RIMS1: variants seen among roughly 807,000 people sequenced by gnomAD.
RIMS1 encodes regulating synaptic membrane exocytosis 1, also known as regulating synaptic membrane exocytosis protein 1.
Under a neutral mutation model 214.1 loss-of-function variants are expected in RIMS1, and 83 were observed. The observed-to-expected ratio is 0.39, with a 90% CI of 0.32 to 0.47. RIMS1 has a LOEUF of 0.47. RIMS1 is among the 20% of genes least tolerant of loss of function. The probability of loss-of-function intolerance (pLI) is 0.99; values close to 1 mark genes in which losing one functional copy is unlikely to be tolerated. For missense variants in RIMS1, 2,050 were observed against 2,161.8 expected (o/e 0.95, Z 1.03); for synonymous variants, 793 against 786.8 (o/e 1.01, Z -0.13).
intron 1 of RIMS1, among the ~76,000 whole-genome samples, chr6:71,888,073 CT>C (rs2150309106): frequency 6.6e-6 from 1 of 152,290 alleles, no homozygotes; most frequent in African/African-American, 2.4e-5. Context: ...CCCCATTTTC[CT>C]GGTGATGGGG....
intron 2 of RIMS1, among the ~76,000 whole-genome samples, chr6:72,074,759 G>A (rs1323717331): frequency 6.6e-6 from 1 of 152,170 alleles, no homozygotes; most frequent in Non-Finnish European, 1.5e-5. Context: ...ATTAAAGTAT[G>A]TGTATTGTTT....
chr6:72,291,281 A>C (rs549289983), intron 25 of RIMS1, among the ~76,000 whole-genome samples: 2 of 152,188 alleles, frequency 1.3e-5, no homozygotes, highest in Non-Finnish European at 2.9e-5. Context: ...TCAGTTTGAA[A>C]AGTGTTTAAA....
At chr6:72,117,059 G>C (rs925742439) in intron 4 of RIMS1, among the ~76,000 whole-genome samples, 1 of 151,924 alleles carries the variant, frequency 6.6e-6, no homozygotes, top group East Asian at 1.9e-4. Flanking sequence ...GCTTGTCTTG[G>C]AGAATTCCGT....
rs1415417646 is a variant in RIMS1 at position 72,251,051 on chromosome 6, C to A, written c.2503C>A (p.Gln835Lys). The change falls in exon 14 of 34, where the codon CAA (glutamine) becomes AAA (lysine). Residue 835 changes from glutamine to lysine, a missense_variant. Gln to Lys is a moderately conservative substitution (Grantham distance 53). Coordinates refer to ENST00000521978, the MANE Select transcript of RIMS1 (RefSeq NM_014989.7). ...ERMLEITVWD[Q>K]PRVQEEESEF... ...AATGTTAGAAATAACTGTGTGGGAC[C>A]AACCAAGAGTGCAAGAAGAAGAAAG... 1.3e-6 allele frequency: 2 copies of A among 1,585,562 alleles called. No homozygotes were observed. The highest frequency in any genetic ancestry group is 1.7e-6 in the Non-Finnish European group (2 of 1,164,858).
intron 1 of RIMS1, among the ~76,000 whole-genome samples, chr6:71,917,386 T>G (rs1778732727): frequency 6.6e-6 from 1 of 152,002 alleles, no homozygotes; most frequent in Non-Finnish European, 1.5e-5. Flanking sequence ...AACAGAGAAA[T>G]GAACAGTGCT....
intron 2 of RIMS1, among the ~76,000 whole-genome samples, chr6:72,055,105 G>T (rs1291048200): frequency 3.3e-5 from 5 of 152,078 alleles, no homozygotes; most frequent in Non-Finnish European, 7.4e-5. Flanking sequence ...TTTGTATAAG[G>T]TGTAATGTCC....
intron 4 of RIMS1, among the ~76,000 whole-genome samples, chr6:72,101,472 C>A (rs999818023): frequency 6.6e-6 from 1 of 151,924 alleles, no homozygotes; most frequent in Admixed American, 6.6e-5. Flanking sequence ...TTGTCTTAGC[C>A]ATGTTAAAGA....
At chr6:72,019,842 T>A (rs1308419086) in intron 2 of RIMS1, among the ~76,000 whole-genome samples, 1 of 152,202 alleles carries the variant, frequency 6.6e-6, no homozygotes, top group African/African-American at 2.4e-5. Flanking sequence ...TTTCCCCACA[T>A]AGGCATGTGA....
At chr6:72,387,675 G>C (rs1433942922) in intron 29 of RIMS1, among the ~76,000 whole-genome samples, 1 of 152,242 alleles carries the variant, frequency 6.6e-6, no homozygotes, top group African/African-American at 2.4e-5. Flanking sequence ...GATAGGAAGA[G>C]AATTCTTGAG....
intron 29 of RIMS1, among the ~76,000 whole-genome samples, chr6:72,339,431 C>G (rs2096964588): frequency 6.6e-6 from 1 of 151,930 alleles, no homozygotes; most frequent in Admixed American, 6.6e-5. Context: ...TATCCCTCCC[C>G]TATCCCCCCA....
chr6:72,135,161 A>G (rs1034905573), intron 4 of RIMS1, among the ~76,000 whole-genome samples: 2 of 152,180 alleles, frequency 1.3e-5, no homozygotes, highest in African/African-American at 4.8e-5. Flanking sequence ...TTAGCAGACC[A>G]TAACTTTTTA....
At chr6:72,334,137 A>G (rs981320068) in intron 29 of RIMS1, among the ~76,000 whole-genome samples, 6 of 151,920 alleles carry the variant, frequency 3.9e-5, no homozygotes, top group African/African-American at 1.4e-4. Flanking sequence ...ATTTATTTAC[A>G]TGCAACGAAA....
chr6:72,055,578 T>G (rs1825931616), intron 2 of RIMS1, among the ~76,000 whole-genome samples: 1 of 152,224 alleles, frequency 6.6e-6, no homozygotes, highest in African/African-American at 2.4e-5. Flanking sequence ...CATCCTTGTC[T>G]TGTTCTGGTG....
At chr6:72,310,528 C>G (rs1231532048) in intron 27 of RIMS1, among the ~76,000 whole-genome samples, 1 of 151,604 alleles carries the variant, frequency 6.6e-6, no homozygotes, top group Admixed American at 6.6e-5. Flanking sequence ...TTTATGTAAC[C>G]CAGGAACAGC....
chr6:72,169,552 GA>G (rs78098528), intron 4 of RIMS1, among the ~76,000 whole-genome samples: 1 of 76,824 alleles, frequency 1.3e-5, no homozygotes, highest in Non-Finnish European at 2.5e-5. Flanking sequence ...AAAAATGAGG[GA>G]TGGTTAGGAA....
intron 4 of RIMS1, among the ~76,000 whole-genome samples, chr6:72,136,454 A>G (rs1031267436): frequency 1.3e-5 from 2 of 152,180 alleles, no homozygotes; most frequent in Non-Finnish European, 2.9e-5. Context: ...AAGGAGAAAC[A>G]TTGCATTCTG....
At chr6:72,047,058 A>G (rs1823257537) in intron 2 of RIMS1, among the ~76,000 whole-genome samples, 1 of 152,154 alleles carries the variant, frequency 6.6e-6, no homozygotes, top group African/African-American at 2.4e-5. Context: ...TTTTACTGTT[A>G]TATAGCCTAA....
At chr6:72,015,174 A>G (rs2151897075) in intron 2 of RIMS1, among the ~76,000 whole-genome samples, 1 of 152,320 alleles carries the variant, frequency 6.6e-6, no homozygotes, top group Middle Eastern at 3.4e-3. Flanking sequence ...GTAATTTTAT[A>G]CAATATTTGA....
intron 2 of RIMS1, among the ~76,000 whole-genome samples, chr6:72,081,341 G>T (rs1483675993): frequency 6.6e-6 from 1 of 152,150 alleles, no homozygotes; most frequent in East Asian, 1.9e-4. Context: ...TTAGATCATG[G>T]TTAATTTGAT....
Sources: allele counts gnomAD v4.1 joint callset (sites outside exome capture counted in the v4.1 genomes callset), GRCh38; gene constraint gnomAD v4.1.1; transcripts MANE v1.5; gene names NCBI Gene and HGNC (gene_info 2026-07-23, HGNC 2026-07-21).